ERBB4: variants seen among roughly 807,000 people sequenced by gnomAD.
ERBB4 encodes the protein erb-b2 receptor tyrosine kinase 4.
In ERBB4, 42 loss-of-function variants were observed where a neutral mutation model predicts 158.0. That is an observed-to-expected ratio of 0.27 (90% CI 0.21 to 0.34). The LOEUF is 0.34. ERBB4 is among the 10% of genes least tolerant of loss of function. ERBB4 has a pLI of 1.00. For missense variants in ERBB4, 1,333 were observed against 1,624.1 expected, an observed-to-expected ratio of 0.82 and a Z score of 3.08; for synonymous variants, 583 against 558.7, an observed-to-expected ratio of 1.04 and a Z score of -0.61.
chr2:211,458,270 ATTT>A (rs751521536), intron 20 of ERBB4, among the ~76,000 whole-genome samples: 1 of 143,448 alleles, frequency 7.0e-6, no homozygotes, highest in Admixed American at 7.0e-5. Flanking sequence ...ACAATGAATA[ATTT>A]TTTTTTTTTT....
rs1193648580 is a variant in ERBB4, at chr2:211,701,948, G to A, written c.1489+19C>T. 1 of 1,563,928 alleles carries A rather than the reference G, an allele frequency of 6.4e-7. No individual in the cohort carries two copies. The highest frequency in any genetic ancestry group is 8.8e-7 in the Non-Finnish European group (1 of 1,134,318). On this transcript the variant is annotated intron_variant, in intron 12 of 27. Coordinates refer to ENST00000342788, the MANE Select transcript of ERBB4 (RefSeq NM_005235.3). ...AAATTTAAGTTTCTATGTTTTAAATGTCTGAGTAATGTACTTACTACAATT... is the reference window on the plus strand; with the variant it reads ...AAATTTAAGTTTCTATGTTTTAAATATCTGAGTAATGTACTTACTACAATT...
intron 20 of ERBB4, among the ~76,000 whole-genome samples, chr2:211,515,912 A>ACATATATATATATATATATTT (rs2066013344): frequency 1.3e-5 from 1 of 78,976 alleles, no homozygotes; most frequent in South Asian, 3.4e-4. Flanking sequence ...ATATATATAT[A>ACATATATATATATATATATTT]TTTTTTTTTT....
At chr2:212,079,306 A>G (rs530815206) in intron 2 of ERBB4, among the ~76,000 whole-genome samples, 1 of 151,802 alleles carries the variant, frequency 6.6e-6, no homozygotes, top group Non-Finnish European at 1.5e-5. Flanking sequence ...TAATCGCTCT[A>G]TTTTTTAAAG....
chr2:212,027,945 A>G (rs993314103), intron 2 of ERBB4, among the ~76,000 whole-genome samples: 4 of 152,116 alleles, frequency 2.6e-5, no homozygotes, highest in Non-Finnish European at 5.9e-5. Flanking sequence ...GATTCAACGT[A>G]CAACTCATAA....
intron 1 of ERBB4, among the ~76,000 whole-genome samples, chr2:212,430,464 G>C (rs1318563171): frequency 2.1e-5 from 3 of 144,930 alleles, no homozygotes; most frequent in Non-Finnish European, 3.0e-5. Flanking sequence ...TCTTTTAAAT[G>C]AAGTCTCGCT....
chr2:211,546,271 A>G (rs1304535403), intron 20 of ERBB4, among the ~76,000 whole-genome samples: 1 of 152,112 alleles, frequency 6.6e-6, no homozygotes, highest in Non-Finnish European at 1.5e-5. Context: ...AATTATTCTT[A>G]CTAGTATATT....
intron 1 of ERBB4, among the ~76,000 whole-genome samples, chr2:212,222,628 T>A (rs2083331856): frequency 6.6e-6 from 1 of 151,134 alleles, no homozygotes; most frequent in African/African-American, 2.4e-5. Context: ...TTTTTTTTAA[T>A]CATGATTTCC....
intron 3 of ERBB4, among the ~76,000 whole-genome samples, chr2:211,944,891 A>G (rs778473684): frequency 1.3e-5 from 2 of 152,142 alleles, no homozygotes; most frequent in African/African-American, 2.4e-5. Context: ...AATGTAATAC[A>G]GTATGGTAGA....
chr2:212,450,961 A>T (rs1362134927), intron 1 of ERBB4, among the ~76,000 whole-genome samples: 15 of 152,138 alleles, frequency 9.9e-5, no homozygotes, highest in Non-Finnish European at 1.2e-4. Flanking sequence ...TCCTACCTTT[A>T]CGAAAAAATA....
intron 4 of ERBB4, among the ~76,000 whole-genome samples, chr2:211,781,229 A>T (rs1169618085): frequency 1.3e-5 from 2 of 152,230 alleles, no homozygotes; most frequent in Non-Finnish European, 2.9e-5. Flanking sequence ...TACAAAGTGC[A>T]ATATTAATTA....
At chr2:211,587,210 G>T (rs1346838630) in intron 19 of ERBB4, among the ~76,000 whole-genome samples, 1 of 150,854 alleles carries the variant, frequency 6.6e-6, no homozygotes, top group Non-Finnish European at 1.5e-5. Context: ...AAAAAAAATA[G>T]CCAGGCGTGG....
intron 1 of ERBB4, among the ~76,000 whole-genome samples, chr2:212,283,953 A>C (rs1347825733): frequency 6.6e-6 from 1 of 152,074 alleles, no homozygotes; most frequent in East Asian, 1.9e-4. Flanking sequence ...CAAACTCTCT[A>C]AATTTTGGCA....
At chr2:211,913,658 T>C (rs1454214174) in intron 3 of ERBB4, among the ~76,000 whole-genome samples, 1 of 134,306 alleles carries the variant, frequency 7.4e-6, no homozygotes, top group Non-Finnish European at 1.6e-5. Flanking sequence ...TGTGTGTGTG[T>C]ATGTGTGTAT....
intron 3 of ERBB4, among the ~76,000 whole-genome samples, chr2:211,811,843 C>T (rs1049639344): frequency 1.3e-5 from 2 of 152,064 alleles, no homozygotes; most frequent in African/African-American, 4.8e-5. Flanking sequence ...ATGTAGTTCT[C>T]GTGCCATGGT....
chr2:212,202,958 T>A (rs1272847080), intron 1 of ERBB4, among the ~76,000 whole-genome samples: 1 of 151,558 alleles, frequency 6.6e-6, no homozygotes, highest in South Asian at 2.1e-4. Flanking sequence ...ATAATAATAC[T>A]ATACATTTAT....
At chr2:211,484,940 C>A (rs1213809046) in intron 20 of ERBB4, among the ~76,000 whole-genome samples, 1 of 152,172 alleles carries the variant, frequency 6.6e-6, no homozygotes, top group Non-Finnish European at 1.5e-5. Context: ...CTACCATAAG[C>A]TGCTCAAACT....
intron 1 of ERBB4, among the ~76,000 whole-genome samples, chr2:212,468,672 C>G (rs1383824671): frequency 1.3e-5 from 2 of 152,178 alleles, no homozygotes; most frequent in Non-Finnish European, 2.9e-5. Context: ...TCAAGGCTGA[C>G]TTCAGGACCT....
intron 26 of ERBB4, among the ~76,000 whole-genome samples, chr2:211,387,563 T>C (rs1308600339): frequency 1.3e-5 from 2 of 152,198 alleles, no homozygotes; most frequent in Non-Finnish European, 2.9e-5. Flanking sequence ...TATGTCTTTA[T>C]TCCCTTCGAA....
chr2:212,271,400 A>G (rs541625540), intron 1 of ERBB4, among the ~76,000 whole-genome samples: 22 of 151,792 alleles, frequency 1.4e-4, no homozygotes, highest in Non-Finnish European at 2.9e-4. Context: ...AACCATGTGT[A>G]TAGTACTTTT....
Sources: allele counts gnomAD v4.1 joint callset (sites outside exome capture counted in the v4.1 genomes callset), GRCh38; gene constraint gnomAD v4.1.1; transcripts MANE v1.5; gene names NCBI Gene and HGNC (gene_info 2026-07-23, HGNC 2026-07-21).